IL1RAPL2: variants seen among roughly 807,000 people sequenced by gnomAD.
IL1RAPL2 encodes the protein X-linked interleukin-1 receptor accessory protein-like 2.
IL1RAPL2 carries 3 observed loss-of-function variants against 44.1 expected under a neutral mutation model. That is an observed-to-expected ratio of 0.07 (90% CI 0.03 to 0.18). The LOEUF (loss-of-function observed/expected upper bound fraction) is 0.18. Ranked by LOEUF, IL1RAPL2 falls within the 10% of genes least tolerant of loss-of-function variation. The pLI, the probability that IL1RAPL2 is intolerant of heterozygous loss-of-function variation, is 1.00. For synonymous variants in IL1RAPL2, 181 were observed against 178.8 expected, an observed-to-expected ratio of 1.01 and a Z score of -0.10; for missense variants, 391 against 496.4, an observed-to-expected ratio of 0.79 and a Z score of 2.02.
intron 2 of IL1RAPL2, among the ~76,000 whole-genome samples, chrX:105,135,893 C>T (rs2033072432): frequency 9.0e-6 from 1 of 111,690 alleles, no homozygotes; most frequent in Non-Finnish European, 1.9e-5. Flanking sequence ...CTACTGAAAC[C>T]TTAAGCAGAG....
At chrX:105,169,492 CTTTTTTTTTT>C (rs748101220) in intron 2 of IL1RAPL2, among the ~76,000 whole-genome samples, 7 of 41,589 alleles carry the variant, frequency 1.7e-4, no homozygotes, top group East Asian at 7.9e-4. Flanking sequence ...TTCTTTCTTT[CTTTTTTTTTT>C]TTTTTTTTTT....
chrX:105,540,825 TTA>T (rs1569452079), intron 6 of IL1RAPL2, among the ~76,000 whole-genome samples: 1 of 99,079 alleles, frequency 1.0e-5, no homozygotes, highest in African/African-American at 3.8e-5. Context: ...TATACATATA[TTA>T]TATATGATAT....
chrX:104,832,399 ATTCTAT>A (rs1219015703), intron 2 of IL1RAPL2, among the ~76,000 whole-genome samples: 1 of 111,351 alleles, frequency 9.0e-6, no homozygotes, highest in Non-Finnish European at 1.9e-5. Flanking sequence ...GGGAGATTTC[ATTCTAT>A]CTGCTTTCAC....
chrX:104,746,798 C>A (rs746645765), intron 2 of IL1RAPL2, among the ~76,000 whole-genome samples: 1 of 111,552 alleles, frequency 9.0e-6, no homozygotes, highest in Admixed American at 9.5e-5. Context: ...GAAAGGGGGT[C>A]ATTTCTGGGC....
intron 2 of IL1RAPL2, among the ~76,000 whole-genome samples, chrX:105,031,504 T>G (rs958057609): frequency 8.9e-6 from 1 of 112,023 alleles, no homozygotes; most frequent in African/African-American, 3.3e-5. Flanking sequence ...GAGATAATCA[T>G]GTGGTTTTTG....
chrX:105,085,140 G>A (rs2032463816), intron 2 of IL1RAPL2, among the ~76,000 whole-genome samples: 1 of 111,844 alleles, frequency 8.9e-6, no homozygotes, highest in Admixed American at 9.6e-5. Context: ...CTTTATAGCT[G>A]TGTGAGAATA....
At chrX:105,321,538 A>C (rs745592074) in intron 5 of IL1RAPL2, among the ~76,000 whole-genome samples, 5 of 112,227 alleles carry the variant, frequency 4.5e-5, no homozygotes, top group Non-Finnish European at 9.4e-5. Context: ...GCCCTTTTAC[A>C]TGCAGAGCCC....
intron 2 of IL1RAPL2, among the ~76,000 whole-genome samples, chrX:104,828,354 G>A (rs761176274): frequency 5.4e-4 from 60 of 111,988 alleles, no homozygotes; most frequent in African/African-American, 1.8e-3. Context: ...ATTGCTTTCT[G>A]TTTATTAGTT....
At chrX:104,721,004 G>T (rs768704217) in intron 2 of IL1RAPL2, among the ~76,000 whole-genome samples, 24 of 111,174 alleles carry the variant, frequency 2.2e-4, no homozygotes, top group Non-Finnish European at 4.3e-4. Flanking sequence ...AGTCAGGATG[G>T]CAATTATTAA....
chrX:105,364,623 T>TA (rs1366564096), intron 5 of IL1RAPL2, among the ~76,000 whole-genome samples: 1 of 111,140 alleles, frequency 9.0e-6, no homozygotes, highest in Non-Finnish European at 1.9e-5. Flanking sequence ...AGTGTGCAGA[T>TA]ACTTCACCTC....
At chrX:105,597,079 G>A (rs2037216580) in intron 6 of IL1RAPL2, among the ~76,000 whole-genome samples, 1 of 111,603 alleles carries the variant, frequency 9.0e-6, no homozygotes, top group African/African-American at 3.3e-5. Context: ...TCTGATAAGA[G>A]GTTGATATCA....
chrX:104,919,188 C>T (rs1479221093), intron 2 of IL1RAPL2, among the ~76,000 whole-genome samples: 1 of 108,892 alleles, frequency 9.2e-6, no homozygotes, highest in East Asian at 2.9e-4. Context: ...CTCTTGGCCT[C>T]ACAAGACTCT....
intron 2 of IL1RAPL2, among the ~76,000 whole-genome samples, chrX:104,761,890 TCTC>T (rs1932446192): frequency 3.7e-5 from 2 of 54,306 alleles, no homozygotes; most frequent in African/African-American, 2.3e-4. Flanking sequence ...TCCTTCTCCT[TCTC>T]CTTCTCCTTC....
At chrX:104,641,902 T>G (rs1231073721) in intron 1 of IL1RAPL2, among the ~76,000 whole-genome samples, 1 of 111,595 alleles carries the variant, frequency 9.0e-6, no homozygotes, top group Non-Finnish European at 1.9e-5. Context: ...GATGCCTTTT[T>G]GTAGCTGCTT....
intron 2 of IL1RAPL2, among the ~76,000 whole-genome samples, chrX:105,039,551 T>A (rs192173625): frequency 8.9e-6 from 1 of 112,116 alleles, no homozygotes; most frequent in African/African-American, 3.2e-5. Context: ...GATTACCCAC[T>A]TAATTTTTTC....
chrX:105,383,129 G>C (rs1156426645), intron 5 of IL1RAPL2, among the ~76,000 whole-genome samples: 9 of 108,564 alleles, frequency 8.3e-5, no homozygotes, highest in African/African-American at 2.7e-4. Flanking sequence ...TAAAAAAAAA[G>C]AAAATCACAT....
chrX:105,353,217 G>T (rs770592235), intron 5 of IL1RAPL2, among the ~76,000 whole-genome samples: 1 of 111,227 alleles, frequency 9.0e-6, no homozygotes, highest in African/African-American at 3.3e-5. Context: ...TTTTTGTCAG[G>T]TTTGTCAAAG....
chrX:105,325,576 T>TATAC (rs61264130), intron 5 of IL1RAPL2, among the ~76,000 whole-genome samples: 47 of 93,727 alleles, frequency 5.0e-4, no homozygotes, highest in African/African-American at 1.9e-3. Context: ...TATATATATA[T>TATAC]ACACATATGT....
intron 6 of IL1RAPL2, among the ~76,000 whole-genome samples, chrX:105,578,019 T>C (rs1432084782): frequency 9.7e-6 from 1 of 102,812 alleles, no homozygotes; most frequent in Non-Finnish European, 2.0e-5. Context: ...CTCCTAATAC[T>C]ATCCCTCTCC....
Sources: allele counts gnomAD v4.1 joint callset (sites outside exome capture counted in the v4.1 genomes callset), GRCh38; gene constraint gnomAD v4.1.1; transcripts MANE v1.5; gene names NCBI Gene and HGNC (gene_info 2026-07-23, HGNC 2026-07-21).